MTARC1: variants seen among roughly 807,000 people sequenced by gnomAD.
MTARC1 encodes the protein mitochondrial amidoxime reducing component 1, also known as mitochondrial amidoxime-reducing component 1.
In MTARC1, 24 loss-of-function variants were observed where a neutral mutation model predicts 33.6. That is an observed-to-expected ratio of 0.72 (90% confidence interval 0.52 to 1.01). The LOEUF (loss-of-function observed/expected upper bound fraction) is 1.01. Among genes scored for constraint, MTARC1 ranks in the 50% least tolerant of loss-of-function variants. The pLI is 0.00. For missense variants in MTARC1, 417 were observed against 445.7 expected (o/e 0.94, Z 0.58); for synonymous variants, 187 against 189.5 (o/e 0.99, Z 0.11).
At chr1:220,811,347 T>C (rs1268064589) in intron 6 of MTARC1, among the ~76,000 whole-genome samples, 2 of 152,260 alleles carry the variant, frequency 1.3e-5, no homozygotes, top group South Asian at 4.1e-4. Context: ...TGTTCATTCA[T>C]TGTTCAACCA....
At chr1:220,806,931 T>C (rs1672989494) in intron 6 of MTARC1, among the ~76,000 whole-genome samples, 1 of 152,158 alleles carries the variant, frequency 6.6e-6, no homozygotes, top group Non-Finnish European at 1.5e-5. Flanking sequence ...CTTAGGTGGA[T>C]AGCAAGCAGC....
intron 4 of MTARC1, among the ~76,000 whole-genome samples, chr1:220,802,530 C>T (rs555789321): frequency 6.6e-6 from 1 of 152,320 alleles, no homozygotes; most frequent in Admixed American, 6.5e-5. Flanking sequence ...CAGGGTTTTG[C>T]CATGTTGGCC....
At chr1:220,794,511 A>G (rs1193566821) in intron 2 of MTARC1, among the ~76,000 whole-genome samples, 2 of 151,302 alleles carry the variant, frequency 1.3e-5, no homozygotes, top group East Asian at 3.9e-4. Flanking sequence ...TTGGAGCTAA[A>G]GCCTGTGAAT....
chr1:220,809,880 G>C (rs1026220920), intron 6 of MTARC1, among the ~76,000 whole-genome samples: 1 of 152,214 alleles, frequency 6.6e-6, no homozygotes, highest in African/African-American at 2.4e-5. Context: ...TCCCATGAAC[G>C]CCAGTGGTGG....
chr1:220,796,885 C>A, intron 3 of MTARC1, 80 bp downstream of exon 3: 1 of 1,443,122 alleles, frequency 6.9e-7, no homozygotes, highest in East Asian at 2.8e-5. Flanking sequence ...CTGATGACCT[C>A]GGCTCTGTTG....
chr1:220,795,025 C>A (rs574626156), intron 2 of MTARC1, among the ~76,000 whole-genome samples: 261 of 150,282 alleles, frequency 1.7e-3, no homozygotes, highest in African/African-American at 6.0e-3. Context: ...AAATTATATA[C>A]AATTATATAG....
intron 2 of MTARC1, among the ~76,000 whole-genome samples, chr1:220,791,947 C>T (rs998382740): frequency 1.3e-5 from 2 of 152,056 alleles, no homozygotes; most frequent in African/African-American, 4.8e-5. Flanking sequence ...AGAAAAATAA[C>T]AGCACCCAAA....
intron 2 of MTARC1, chr1:220,793,593 G>A (rs1672504672): frequency 6.6e-6 from 1 of 152,144 alleles, no homozygotes; most frequent in South Asian, 2.1e-4. Flanking sequence ...AGTTCTTGGG[G>A]CGCTGGGGTC....
intron 2 of MTARC1, chr1:220,793,126 T>C (rs990311989): frequency 3.3e-5 from 5 of 152,238 alleles, no homozygotes; most frequent in African/African-American, 1.2e-4. Context: ...TTAACCATTA[T>C]GTTAAAAAAC....
Position 220,787,268 on chromosome 1 carries a change from G to T in MTARC1, c.275+49G>T, listed in dbSNP as rs113547683. The T allele has an allele frequency of 2.2e-5, 33 of 1,521,254 alleles. No homozygotes were observed. In the African/African-American group the frequency reaches 3.4e-4, roughly 15 times the overall value. The allele number at this position is 1,521,254 out of a possible 1,614,324, so 94.2% of individuals were successfully genotyped here. ...GCAGCGCTGATCCGGCTCGGGGCAA[G>T]GGGGTGAGAAGGGAGGAGCGCAGGG... On this transcript the variant is annotated intron_variant, in intron 1 of 6. Coordinates refer to ENST00000366910, the MANE Select transcript of MTARC1 (RefSeq NM_022746.4).
chr1:220,787,061 C>T lies in MTARC1; in HGVS notation c.117C>T (p.Ala39=). The T allele has an allele frequency of 7.0e-7, 1 of 1,435,192 alleles. No individual in the cohort carries two copies. Among genetic ancestry groups the T allele is most frequent in the Non-Finnish European group, 9.1e-7 (1 of 1,103,962 alleles). The allele number at this position is 1,435,192 out of a possible 1,614,324, so 88.9% of individuals were successfully genotyped here. A position where few individuals can be genotyped will look rare whatever the true frequency, so the allele number is the denominator to read the frequency against. The change falls in exon 1 of 7, where the codon GCC becomes GCT. Residue 39 remains alanine, a synonymous_variant. Transcript: ENST00000366910. Reference sequence around the variant, plus strand: ...CCGCGGTGGCGCTGGGGGCTGTCGCCTGGCGCCGCGCATGGCCCACGCGGC... The same window carrying T: ...CCGCGGTGGCGCTGGGGGCTGTCGCTTGGCGCCGCGCATGGCCCACGCGGC... The part of the protein sequence containing the change: ...GLTAVALGAV[A]WRRAWPTRRR...
chr1:220,790,036 C>G (rs996688109), intron 1 of MTARC1, among the ~76,000 whole-genome samples: 1 of 152,186 alleles, frequency 6.6e-6, no homozygotes, highest in Non-Finnish European at 1.5e-5. Context: ...GAATTGCACA[C>G]TTCAAAATGG....
At chr1:220,810,376 A>T (rs548054591) in intron 6 of MTARC1, among the ~76,000 whole-genome samples, 1 of 152,294 alleles carries the variant, frequency 6.6e-6, no homozygotes, top group African/African-American at 2.4e-5. Context: ...CCGCAGCAGT[A>T]GCAAGAGGAG....
chr1:220,786,973 C>T lies in MTARC1; in HGVS notation c.29C>T (p.Ala10Val), dbSNP rs1356895416. The T allele has an allele frequency of 3.2e-6, 4 of 1,252,972 alleles. No individual in the cohort carries two copies. Among genetic ancestry groups the T allele is most frequent in the Non-Finnish European group, 4.0e-6 (4 of 1,002,164 alleles). The allele number at this position is 1,252,972 out of a possible 1,614,324, so 77.6% of individuals were successfully genotyped here. The part of the protein sequence containing the change: MGAAGSSAL[A>V]RFVLLAQSRP... ...GGCGCCGCCGGCTCCTCCGCGCTGGCGCGCTTTGTCCTCCTCGCGCAATCC... is the reference window on the plus strand; with the variant it reads ...GGCGCCGCCGGCTCCTCCGCGCTGGTGCGCTTTGTCCTCCTCGCGCAATCC... The change falls in exon 1 of 7, where the codon GCG (alanine) becomes GTG (valine). Residue 10 changes from alanine (A) to valine (V), a missense_variant. By Grantham distance (64) the Ala-to-Val change is moderately conservative. Transcript: ENST00000366910.
chr1:220,808,329 G>T (rs1477926686), intron 6 of MTARC1, among the ~76,000 whole-genome samples: 1 of 152,202 alleles, frequency 6.6e-6, no homozygotes, highest in Non-Finnish European at 1.5e-5. Context: ...CTGATCTTCC[G>T]CAGGCTTTGT....
chr1:220,787,706 A>AC (rs1672278517), intron 1 of MTARC1, among the ~76,000 whole-genome samples: 1 of 151,978 alleles, frequency 6.6e-6, no homozygotes, highest in Non-Finnish European at 1.5e-5. Context: ...TTCAACGAAT[A>AC]CCTTCGGGCG....
At chr1:220,802,119 C>A (rs1210754003) in intron 4 of MTARC1, among the ~76,000 whole-genome samples, 1 of 152,164 alleles carries the variant, frequency 6.6e-6, no homozygotes, top group Non-Finnish European at 1.5e-5. Context: ...TCCAAAAGTT[C>A]TGGCCTTGAC....
rs1304754655 is a variant in MTARC1 at position 220,816,072 on chromosome 1, A to G, written c.*2654A>G. The G allele has an allele frequency of 6.6e-6, 1 of 152,276 alleles. No homozygotes were observed. Among genetic ancestry groups the G allele is most frequent in the Non-Finnish European group, 1.5e-5 (1 of 68,058 alleles). 9.4% of individuals were successfully genotyped at this position (152,276 alleles called of 1,614,324 possible). A position where few individuals can be genotyped will look rare whatever the true frequency, so the allele number is the denominator to read the frequency against. ...CTGTTGGAATTCAGGCCGTTGTCCTATAGGGAGAAATACTCCTCCTCTCCT... is the reference window on the plus strand; with the variant it reads ...CTGTTGGAATTCAGGCCGTTGTCCTGTAGGGAGAAATACTCCTCCTCTCCT... On this transcript the variant is annotated 3_prime_UTR_variant, in exon 7 of 7. Transcript: ENST00000366910.
At chr1:220,787,364 C>A in intron 1 of MTARC1, 145 bp downstream of exon 1, 1 of 1,331,198 alleles carries the variant, frequency 7.5e-7, no homozygotes, top group Non-Finnish European at 9.6e-7. Flanking sequence ...TGAGACAAGG[C>A]CAAAGAGAAA....
Sources: allele counts gnomAD v4.1 joint callset (sites outside exome capture counted in the v4.1 genomes callset), GRCh38; gene constraint gnomAD v4.1.1; transcripts MANE v1.5; gene names NCBI Gene and HGNC (gene_info 2026-07-23, HGNC 2026-07-21).